The following LINGO2 variants were observed in gnomAD, a reference collection of about 807,000 sequenced individuals.
The protein encoded by LINGO2 is leucine rich repeat and Ig domain containing 2.
LINGO2 carries 14 observed loss-of-function variants against 30.6 expected under a neutral mutation model. The observed-to-expected ratio is 0.46, with a 90% confidence interval of 0.30 to 0.72. LINGO2 has a LOEUF of 0.72. Ranked by LOEUF, LINGO2 falls within the 30% of genes least tolerant of loss-of-function variation. The probability of loss-of-function intolerance (pLI) is 0.07; values close to 1 mark genes in which losing one functional copy is unlikely to be tolerated. For synonymous variants in LINGO2, 317 were observed against 288.5 expected, an observed-to-expected ratio of 1.10 and a Z score of -1.00; for missense variants, 729 against 751.7, an observed-to-expected ratio of 0.97 and a Z score of 0.35.
chr9:28,418,369 C>T (rs191987856), intron 2 of LINGO2, among the ~76,000 whole-genome samples: 661 of 148,732 alleles, frequency 4.4e-3, no homozygotes, highest in Admixed American at 7.4e-3. Flanking sequence ...ACCTCTGTCT[C>T]CCATGTTCAA....
chr9:28,243,223 G>A (rs542366629), intron 4 of LINGO2, among the ~76,000 whole-genome samples: 40 of 152,072 alleles, frequency 2.6e-4, no homozygotes, highest in African/African-American at 7.5e-4. Flanking sequence ...TTTGGGAGGC[G>A]AAGGTGGGCA....
chr9:27,950,650 A>C (rs761213878), exon 6 of LINGO2: 1 of 1,511,838 alleles, frequency 6.6e-7, no homozygotes, highest in Admixed American at 2.3e-5. Context: ...GGCTGCCAGC[A>C]TGATATGGCC....
chr9:28,310,871 T>G (rs1225796471), intron 3 of LINGO2, among the ~76,000 whole-genome samples: 1 of 152,144 alleles, frequency 6.6e-6, no homozygotes, highest in East Asian at 1.9e-4. Context: ...AGAACAAAAC[T>G]TTTTTGAGCA....
In LINGO2 at chr9:27,950,617, A is replaced by G. The variant is rs113029670; in HGVS notation, c.55T>C (p.Leu19=). 5.3e-6 allele frequency: 8 copies of G among 1,518,100 alleles called. No homozygotes were observed. The Admixed American group carries it at 1.3e-4, about 25-fold the overall frequency. 94.0% of individuals were successfully genotyped at this position (1,518,100 alleles called of 1,614,324 possible). Reference sequence around the variant, plus strand: ...CCAATGGTGGATCCCATGAAGATTAACACCACAGCCAGACCCAGGAATGGC... The same window carrying G: ...CCAATGGTGGATCCCATGAAGATTAGCACCACAGCCAGACCCAGGAATGGC... Residue 19 remains leucine, a synonymous_variant, in exon 6 of 6, where the codon TTA becomes CTA. Coordinates refer to ENST00000379992, the Ensembl canonical transcript of LINGO2.
intron 2 of LINGO2, among the ~76,000 whole-genome samples, chr9:28,386,006 T>C (rs774693173): frequency 2.0e-5 from 3 of 152,296 alleles, no homozygotes; most frequent in Admixed American, 6.5e-5. Context: ...TAATTGCCTT[T>C]GAGAGGAATA....
chr9:28,357,315 G>GACCCC (rs796282898), intron 3 of LINGO2, among the ~76,000 whole-genome samples: 3 of 66,058 alleles, frequency 4.5e-5, no homozygotes, highest in Non-Finnish European at 1.0e-4. Context: ...CAGAAATAAA[G>GACCCC]CCCACCCCCC....
At chr9:28,938,501 T>G in the LINGO2 span, among the ~76,000 whole-genome samples, 1 of 152,212 alleles carries the variant, frequency 6.6e-6, no homozygotes, top group African/African-American at 2.4e-5. Flanking sequence ...ATGGGCCACA[T>G]ATATAATGGT....
the LINGO2 span, among the ~76,000 whole-genome samples, chr9:28,847,730 C>CTG: frequency 1.6e-5 from 2 of 125,954 alleles, 1 homozygote; most frequent in East Asian, 4.6e-4. Flanking sequence ...TATATAGTGT[C>CTG]TGTGTATATA....
chr9:29,097,043 C>T, the LINGO2 span, among the ~76,000 whole-genome samples: 2 of 137,776 alleles, frequency 1.5e-5, no homozygotes, highest in East Asian at 2.5e-4. Context: ...CTGCAAATTC[C>T]CAAGATAGCA....
the LINGO2 span, among the ~76,000 whole-genome samples, chr9:28,788,663 C>T: frequency 6.6e-6 from 1 of 152,154 alleles, no homozygotes; most frequent in Non-Finnish European, 1.5e-5. Flanking sequence ...AAGGCAAATT[C>T]TTCACAAGGT....
chr9:28,848,812 G>A, the LINGO2 span, among the ~76,000 whole-genome samples: 1 of 151,712 alleles, frequency 6.6e-6, no homozygotes, highest in African/African-American at 2.4e-5. Flanking sequence ...AAATACAGCT[G>A]TTGAAACTCC....
chr9:28,238,711 T>C (rs2133963941), intron 4 of LINGO2, among the ~76,000 whole-genome samples: 1 of 152,012 alleles, frequency 6.6e-6, no homozygotes, highest in Middle Eastern at 3.4e-3. Context: ...TTCAAGTAGG[T>C]AACTTAATGA....
chr9:28,917,988 A>G, the LINGO2 span, among the ~76,000 whole-genome samples: 1 of 152,146 alleles, frequency 6.6e-6, no homozygotes, highest in Admixed American at 6.5e-5. Context: ...TCCATTTTGA[A>G]TTTTTATCTC....
At chr9:28,105,351 T>A (rs570576127) in intron 4 of LINGO2, among the ~76,000 whole-genome samples, 1 of 152,272 alleles carries the variant, frequency 6.6e-6, no homozygotes, top group South Asian at 2.1e-4. Flanking sequence ...TGCTAGGCAC[T>A]GTTCTAGGCT....
chr9:28,327,683 T>C (rs1229544760), intron 3 of LINGO2, among the ~76,000 whole-genome samples: 1 of 152,174 alleles, frequency 6.6e-6, no homozygotes, highest in African/African-American at 2.4e-5. Context: ...TAACATCTAA[T>C]TGATATTATA....
At chr9:28,277,255 G>A (rs950054348) in intron 4 of LINGO2, among the ~76,000 whole-genome samples, 2 of 152,008 alleles carry the variant, frequency 1.3e-5, no homozygotes, top group South Asian at 2.1e-4. Flanking sequence ...ATCTGTGATC[G>A]ATGCTTTATT....
At chr9:28,064,155 C>A (rs1825239147) in intron 4 of LINGO2, among the ~76,000 whole-genome samples, 1 of 152,140 alleles carries the variant, frequency 6.6e-6, no homozygotes, top group African/African-American at 2.4e-5. Flanking sequence ...AGTGGCATAA[C>A]ATCAGAGAAA....
At chr9:28,780,491 T>C in the LINGO2 span, among the ~76,000 whole-genome samples, 9,533 of 152,062 alleles carry the variant, frequency 0.063, 971 homozygotes, top group African/African-American at 0.21. Flanking sequence ...CCACAACTGG[T>C]TAAAAGAAAA....
intron 4 of LINGO2, among the ~76,000 whole-genome samples, chr9:28,050,078 C>G (rs1305910312): frequency 1.3e-5 from 2 of 150,414 alleles, no homozygotes; most frequent in Non-Finnish European, 2.9e-5. Flanking sequence ...AAAGGTAGGG[C>G]TTTGTGATTA....
Sources: allele counts gnomAD v4.1 joint callset (sites outside exome capture counted in the v4.1 genomes callset), GRCh38; gene constraint gnomAD v4.1.1; transcripts MANE v1.5; gene names NCBI Gene and HGNC (gene_info 2026-07-23, HGNC 2026-07-21).